The following GTF2F2 variants were observed in gnomAD, a reference collection of about 807,000 sequenced individuals.
GTF2F2 encodes the protein general transcription factor IIF subunit 2, also known as ATP-dependent helicase GTF2F2.
A neutral mutation model predicts 42.2 loss-of-function variants in GTF2F2; 23 were observed. The observed-to-expected ratio is 0.55, with a 90% CI of 0.39 to 0.77. GTF2F2 has a LOEUF of 0.77. Ranked by LOEUF, GTF2F2 falls within the 30% of genes least tolerant of loss-of-function variation. The probability of loss-of-function intolerance (pLI) is 0.00; values close to 1 mark genes in which losing one functional copy is unlikely to be tolerated. For missense variants in GTF2F2, 261 were observed against 287.2 expected (o/e 0.91, Z 0.66); for synonymous variants, 105 against 100.8 (o/e 1.04, Z -0.25).
intron 4 of GTF2F2, among the ~76,000 whole-genome samples, chr13:45,173,110 A>G (rs1267575024): frequency 6.6e-6 from 1 of 152,192 alleles, no homozygotes; most frequent in Non-Finnish European, 1.5e-5. Context: ...TGCAATGTAG[A>G]GACACATAGA....
intron 6 of GTF2F2, among the ~76,000 whole-genome samples, chr13:45,266,508 AC>A (rs1211276528): frequency 6.6e-6 from 1 of 151,882 alleles, no homozygotes; most frequent in Non-Finnish European, 1.5e-5. Context: ...GCCTCCAAGA[AC>A]CCCACATTTG....
rs113833401 is a variant in GTF2F2 at position 45,238,834 on chromosome 13, T to C, written c.387-14037T>C. ...TGGCGCATGCCTGTAATCTCAGCTA[T>C]TTGGGAGGCTGAGGCAGGAGAATCT... is the stretch of plus-strand genomic sequence containing the variant. On this transcript the variant is annotated intron_variant, in intron 5 of 7. Transcript: ENST00000340473. Among the ~76,000 whole-genome samples, 329 of 151,590 alleles carry C rather than the reference T, an allele frequency of 2.2e-3. 3 individuals carry two copies. The highest frequency in any genetic ancestry group is 7.6e-3 in the African/African-American group (314 of 41,370).
intron 3 of GTF2F2, 36 bp downstream of exon 3, chr13:45,149,824 T>A (rs376016931): frequency 1.3e-6 from 2 of 1,482,302 alleles, no homozygotes; most frequent in African/African-American, 2.9e-5. Context: ...AGTTAAAACT[T>A]GAGACTATCT....
At chr13:45,201,765 C>T (rs145678852) in intron 4 of GTF2F2, among the ~76,000 whole-genome samples, 15 of 152,184 alleles carry the variant, frequency 9.9e-5, no homozygotes, top group African/African-American at 2.2e-4. Context: ...AAAAGGAGTG[C>T]GGGGGAGAAT....
At chr13:45,212,206 C>T (rs1201863049) in intron 5 of GTF2F2, among the ~76,000 whole-genome samples, 1 of 152,194 alleles carries the variant, frequency 6.6e-6, no homozygotes, top group Non-Finnish European at 1.5e-5. Context: ...AACATGCTCA[C>T]AATTTTTCAG....
chr13:45,270,282 A>C (rs1469105149), intron 7 of GTF2F2, among the ~76,000 whole-genome samples: 1 of 152,184 alleles, frequency 6.6e-6, no homozygotes, highest in Non-Finnish European at 1.5e-5. Context: ...AACTGATATA[A>C]AGTCGGGGAC....
intron 4 of GTF2F2, chr13:45,194,400 G>C: frequency 6.2e-7 from 1 of 1,614,162 alleles, no homozygotes; most frequent in South Asian, 1.1e-5. Flanking sequence ...CAAGGAAAGT[G>C]TCTGGGTACT....
intron 6 of GTF2F2, 34 bp downstream of exon 6, chr13:45,253,004 A>T: frequency 1.2e-6 from 1 of 867,116 alleles, no homozygotes; most frequent in Non-Finnish European, 1.8e-6. Flanking sequence ...TCATTCTTTT[A>T]TATCTTCATT....
At chr13:45,267,619 G>A (rs1876622132) in intron 7 of GTF2F2, among the ~76,000 whole-genome samples, 1 of 152,048 alleles carries the variant, frequency 6.6e-6, no homozygotes, top group African/African-American at 2.4e-5. Flanking sequence ...ATTTATTCTT[G>A]ACATTAAGCC....
intron 1 of GTF2F2, among the ~76,000 whole-genome samples, chr13:45,132,880 G>T (rs1869435338): frequency 6.6e-6 from 1 of 152,054 alleles, no homozygotes; most frequent in Non-Finnish European, 1.5e-5. Context: ...ATAATCAGGA[G>T]TGAGGGACTG....
intron 4 of GTF2F2, among the ~76,000 whole-genome samples, chr13:45,166,450 A>C (rs1415337296): frequency 6.6e-6 from 1 of 152,198 alleles, no homozygotes; most frequent in East Asian, 1.9e-4. Context: ...TTTGGCTGAT[A>C]AGGAAATGAC....
chr13:45,283,409 T>A lies in GTF2F2; in HGVS notation c.631-33T>A, dbSNP rs552763475. 2.5e-5 allele frequency: 39 copies of A among 1,584,382 alleles called. No individual in the cohort carries two copies. The East Asian group carries it at 8.3e-4, about 34-fold the overall frequency. On this transcript the variant is annotated intron_variant, in intron 7 of 7. Transcript: ENST00000340473. ...TAAGTTTTGTCCCCTGCATTTATAA[T>A]CTCATTTGTTAGGGGTTTTGTTTTT...
At chr13:45,262,551 C>T (rs894044101) in intron 6 of GTF2F2, among the ~76,000 whole-genome samples, 5 of 151,928 alleles carry the variant, frequency 3.3e-5, no homozygotes, top group African/African-American at 1.2e-4. Context: ...CCTCAGCCTC[C>T]CAAGGAGCTT....
chr13:45,145,516 CAT>C (rs1228144044), intron 2 of GTF2F2, among the ~76,000 whole-genome samples: 1 of 152,190 alleles, frequency 6.6e-6, no homozygotes, highest in African/African-American at 2.4e-5. Context: ...TACACACACA[CAT>C]ACCTCCCCCA....
Position 45,283,611 on chromosome 13 carries a change from C to T in GTF2F2, c.*50C>T. 6.6e-7 allele frequency: 1 copy of T among 1,513,708 alleles called. No individual in the cohort carries two copies. Among genetic ancestry groups the T allele is most frequent in the Non-Finnish European group, 8.9e-7 (1 of 1,128,194 alleles). 93.8% of individuals were successfully genotyped at this position (1,513,708 alleles called of 1,614,324 possible). ...TGAAACGACTAGCAGCGATGCTATGCAAAAGGCGCTGATACTGGAAGGCTT... is the reference window on the plus strand; with the variant it reads ...TGAAACGACTAGCAGCGATGCTATGTAAAAGGCGCTGATACTGGAAGGCTT... On this transcript the variant is annotated 3_prime_UTR_variant, in exon 8 of 8. Coordinates refer to ENST00000340473, the MANE Select transcript of GTF2F2 (RefSeq NM_004128.3).
At chr13:45,149,511 T>C (rs1315486738) in intron 2 of GTF2F2, among the ~76,000 whole-genome samples, 1 of 150,728 alleles carries the variant, frequency 6.6e-6, no homozygotes, top group East Asian at 1.9e-4. Flanking sequence ...TTGCATAAAA[T>C]AGAACTAGCA....
chr13:45,212,412 T>C (rs1873686813), intron 5 of GTF2F2, among the ~76,000 whole-genome samples: 1 of 152,030 alleles, frequency 6.6e-6, no homozygotes, highest in Non-Finnish European at 1.5e-5. Flanking sequence ...CTGCATCTTC[T>C]ACCTAGGATT....
intron 6 of GTF2F2, among the ~76,000 whole-genome samples, chr13:45,263,246 G>A (rs79755874): frequency 1.6e-5 from 2 of 123,266 alleles, no homozygotes; most frequent in Admixed American, 1.7e-4. Flanking sequence ...TTTTTTTTTT[G>A]AGACGGAGTC....
chr13:45,207,132 T>C (rs1433680020), intron 4 of GTF2F2: 2 of 282,550 alleles, frequency 7.1e-6, no homozygotes, highest in Non-Finnish European at 1.4e-5. Flanking sequence ...TTAATTTGAT[T>C]TTATGCCCTT....
Sources: allele counts gnomAD v4.1 joint callset (sites outside exome capture counted in the v4.1 genomes callset), GRCh38; gene constraint gnomAD v4.1.1; transcripts MANE v1.5; gene names NCBI Gene and HGNC (gene_info 2026-07-23, HGNC 2026-07-21).